Variants in RBM47 observed in about 807,000 individuals in gnomAD.
RBM47 encodes the protein RNA-binding protein 47.
A neutral mutation model predicts 47.1 loss-of-function variants in RBM47; 21 were observed. The ratio of observed to expected loss-of-function variants is 0.45; its 90% CI spans 0.32 to 0.64. The LOEUF is 0.64. RBM47 is among the 30% of genes least tolerant of loss of function. The pLI, the probability that RBM47 is intolerant of heterozygous loss-of-function variation, is 0.05. For missense variants in RBM47, 708 were observed against 870.9 expected, an observed-to-expected ratio of 0.81 and a Z score of 2.35; for synonymous variants, 375 against 361.7, an observed-to-expected ratio of 1.04 and a Z score of -0.42.
At chr4:40,501,922 GTTC>G (rs1304849775) in intron 2 of RBM47, 6 of 152,526 alleles carry the variant, frequency 3.9e-5, no homozygotes, top group African/African-American at 1.4e-4. Flanking sequence ...CAGTCTTTTA[GTTC>G]TTCTTCTCCA....
intron 1 of RBM47, among the ~76,000 whole-genome samples, chr4:40,559,069 A>T (rs1468401986): frequency 6.6e-6 from 1 of 152,186 alleles, no homozygotes; most frequent in Non-Finnish European, 1.5e-5. Context: ...GGGCAGATCC[A>T]GCCTTTATTT....
intron 2 of RBM47, among the ~76,000 whole-genome samples, chr4:40,536,720 TTTG>T (rs1320472113): frequency 4.1e-5 from 6 of 146,050 alleles, no homozygotes; most frequent in African/African-American, 1.3e-4. Flanking sequence ...TGTGTGTGTT[TTTG>T]TTTTTTTTTT....
chr4:40,529,515 C>CAAAAAAAAAA (rs56381747), intron 2 of RBM47, among the ~76,000 whole-genome samples: 2 of 18,338 alleles, frequency 1.1e-4, no homozygotes, highest in African/African-American at 3.7e-4. Flanking sequence ...GACTCTGTCA[C>CAAAAAAAAAA]AAAAAAAAAA....
chr4:40,435,759 T>A (rs1347999937), intron 5 of RBM47, among the ~76,000 whole-genome samples: 3 of 152,228 alleles, frequency 2.0e-5, no homozygotes, highest in Non-Finnish European at 4.4e-5. Context: ...TTTTACCTGA[T>A]AGAAGATACA....
chr4:40,584,949 A>T (rs1387985027), intron 1 of RBM47, among the ~76,000 whole-genome samples: 3 of 152,186 alleles, frequency 2.0e-5, no homozygotes, highest in Non-Finnish European at 4.4e-5. Flanking sequence ...GATACAAAGA[A>T]TCTGTTCCAA....
At chr4:40,600,386 G>C (rs1735140852) in intron 1 of RBM47, among the ~76,000 whole-genome samples, 1 of 151,642 alleles carries the variant, frequency 6.6e-6, no homozygotes, top group Non-Finnish European at 1.5e-5. Flanking sequence ...TGTAATCCCA[G>C]CACTTTGGGA....
At chr4:40,571,066 A>G (rs1164511499) in intron 1 of RBM47, among the ~76,000 whole-genome samples, 1 of 152,002 alleles carries the variant, frequency 6.6e-6, no homozygotes, top group Non-Finnish European at 1.5e-5. Flanking sequence ...AAATACAACA[A>G]TTAACAGGGC....
At chr4:40,611,254 G>C (rs1369979874) in intron 1 of RBM47, among the ~76,000 whole-genome samples, 3 of 152,114 alleles carry the variant, frequency 2.0e-5, no homozygotes, top group Admixed American at 6.5e-5. Flanking sequence ...CTCTATTCTA[G>C]AAAGCACAAA....
At chr4:40,460,888 C>CAAAAA (rs35536750) in intron 3 of RBM47, among the ~76,000 whole-genome samples, 5 of 92,912 alleles carry the variant, frequency 5.4e-5, no homozygotes, top group East Asian at 3.2e-4. Context: ...GACTCTGTCT[C>CAAAAA]AAAAAAAAAA....
chr4:40,472,915 G>C (rs982355032), intron 2 of RBM47, among the ~76,000 whole-genome samples: 1 of 152,156 alleles, frequency 6.6e-6, no homozygotes, highest in Non-Finnish European at 1.5e-5. Flanking sequence ...AAGAGTGCTA[G>C]ACTTGAAATG....
intron 2 of RBM47, among the ~76,000 whole-genome samples, chr4:40,537,407 T>G (rs540840713): frequency 6.6e-6 from 1 of 151,730 alleles, no homozygotes; most frequent in Admixed American, 6.6e-5. Context: ...GGACTACAGG[T>G]GCAAGCCACC....
At position 40,603,837 on chromosome 4, in the gene RBM47, A is replaced by AG. The variant is rs761399040; in HGVS notation, c.-240+25558dup. On this transcript the variant is annotated intron_variant, in intron 1 of 6. Coordinates refer to ENST00000295971, the MANE Select transcript of RBM47 (RefSeq NM_001098634.2). ...GGCTGGTCTCGAGCTCCTGAGCTCA[A>AG]GTAATCTGCCTGCCTCGGCCTCCCA... 2.6e-5 allele frequency among the ~76,000 whole-genome samples: 4 copies of AG among 152,108 alleles called. 1 individual carries two copies. Among genetic ancestry groups the AG allele is most frequent in the Non-Finnish European group, 4.4e-5 (3 of 68,020 alleles).
At chr4:40,587,014 A>C (rs1369429372) in intron 1 of RBM47, among the ~76,000 whole-genome samples, 1 of 152,130 alleles carries the variant, frequency 6.6e-6, no homozygotes, top group Admixed American at 6.6e-5. Flanking sequence ...CACATTACTA[A>C]AGGGAACTTC....
Position 40,610,902 on chromosome 4 carries a change from C to A in RBM47, c.-240+18494G>T, listed in dbSNP as rs142576118. Among the ~76,000 whole-genome samples, 411 of 152,246 alleles carry A rather than the reference C, an allele frequency of 2.7e-3. 1 individual carries two copies. The highest frequency in any genetic ancestry group is 9.4e-3 in the African/African-American group (390 of 41,538). On this transcript the variant is annotated intron_variant, in intron 1 of 6. Transcript: ENST00000295971. Reference sequence around the variant, plus strand: ...TGCCATGTAAGAAGTGCCTTTCACCCTCCCCCATGATTATGAGAGAACTCC... The same window carrying A: ...TGCCATGTAAGAAGTGCCTTTCACCATCCCCCATGATTATGAGAGAACTCC...
At chr4:40,433,247 C>T (rs1264871495) in intron 5 of RBM47, among the ~76,000 whole-genome samples, 1 of 152,148 alleles carries the variant, frequency 6.6e-6, no homozygotes, top group Non-Finnish European at 1.5e-5. Context: ...AGGTGTGAGC[C>T]ACCGCGCCCA....
chr4:40,443,551 C>A (rs1298080940), intron 3 of RBM47, among the ~76,000 whole-genome samples: 1 of 151,560 alleles, frequency 6.6e-6, no homozygotes, highest in Non-Finnish European at 1.5e-5. Flanking sequence ...AACCCCATCT[C>A]TAATAAAAAT....
intron 1 of RBM47, among the ~76,000 whole-genome samples, chr4:40,581,488 T>C (rs934968465): frequency 7.6e-6 from 1 of 132,142 alleles, no homozygotes; most frequent in South Asian, 2.5e-4. Context: ...CATTGGAGAG[T>C]GTTAAGCTTG....
chr4:40,545,666 A>AAAACAAATAAATAAAT (rs1553899564), intron 1 of RBM47, among the ~76,000 whole-genome samples: 53 of 133,606 alleles, frequency 4.0e-4, no homozygotes, highest in Non-Finnish European at 4.0e-4. Context: ...CTCCTTCTCA[A>AAAACAAATAAATAAAT]AAATAAATAA....
chr4:40,528,144 G>A lies in RBM47; in HGVS notation c.-155+16278C>T, dbSNP rs542058451. The stretch of plus-strand genomic sequence containing the variant: ...AGAAATGTTTTGGGCCAGGTGTGGT[G>A]GCTCATGCCTGTAATCCCAGCACTT... On this transcript the variant is annotated intron_variant, in intron 2 of 6. Transcript: ENST00000295971. 1.2e-3 allele frequency among the ~76,000 whole-genome samples: 176 copies of A among 152,306 alleles called. 1 individual carries two copies. In the Middle Eastern group the frequency reaches 0.014, roughly 12 times the overall value.
Sources: allele counts gnomAD v4.1 joint callset (sites outside exome capture counted in the v4.1 genomes callset), GRCh38; gene constraint gnomAD v4.1.1; transcripts MANE v1.5; gene names NCBI Gene and HGNC (gene_info 2026-07-23, HGNC 2026-07-21).